The following DLC1 variants were observed in gnomAD, a reference collection of about 807,000 sequenced individuals.
DLC1 encodes rho GTPase-activating protein 7.
A neutral mutation model predicts 140.3 loss-of-function variants in DLC1; 54 were observed. The ratio of observed to expected loss-of-function variants is 0.38; its 90% CI spans 0.31 to 0.48. The LOEUF is 0.48. Among genes scored for constraint, DLC1 ranks in the 20% least tolerant of loss-of-function variants. DLC1 has a pLI of 0.96. For synonymous variants in DLC1, 986 were observed against 728.1 expected (o/e 1.35, Z -5.70); for missense variants, 2,536 against 1,907.0 (o/e 1.33, Z -6.14).
chr8:13,394,934 T>G (rs1026708739), intron 3 of DLC1, among the ~76,000 whole-genome samples: 3 of 152,010 alleles, frequency 2.0e-5, no homozygotes, highest in African/African-American at 7.2e-5. Context: ...ACCAAAGAAC[T>G]TCACTCCCTT....
At chr8:13,173,370 T>C (rs1825589747) in intron 5 of DLC1, among the ~76,000 whole-genome samples, 1 of 86,178 alleles carries the variant, frequency 1.2e-5, no homozygotes, top group South Asian at 3.7e-4. Flanking sequence ...TCTGCCCTCT[T>C]TTTTTTTTTT....
chr8:13,114,900 C>A (rs369239593), intron 6 of DLC1, among the ~76,000 whole-genome samples: 5 of 152,126 alleles, frequency 3.3e-5, no homozygotes, highest in African/African-American at 1.2e-4. Context: ...AAAATTGGTA[C>A]GGGCACTTTC....
chr8:13,193,267 T>A (rs76055776), intron 5 of DLC1, among the ~76,000 whole-genome samples: 11,492 of 152,232 alleles, frequency 0.075, 470 homozygotes, highest in African/African-American at 0.09. Flanking sequence ...TTCTTCCTTA[T>A]CAGGTCAGTG....
intron 4 of DLC1, among the ~76,000 whole-genome samples, chr8:13,347,693 G>A (rs1834416879): frequency 6.6e-6 from 1 of 152,134 alleles, no homozygotes; most frequent in African/African-American, 2.4e-5. Flanking sequence ...GGGAAAGATG[G>A]ACAGGTCACA....
intron 5 of DLC1, among the ~76,000 whole-genome samples, chr8:13,254,981 T>C (rs1830159180): frequency 6.7e-6 from 1 of 148,996 alleles, no homozygotes; most frequent in African/African-American, 2.5e-5. Context: ...TTTTTCTTTT[T>C]TCTTATTTTT....
At chr8:13,258,303 T>C (rs1830335978) in intron 5 of DLC1, among the ~76,000 whole-genome samples, 1 of 152,212 alleles carries the variant, frequency 6.6e-6, no homozygotes, top group Admixed American at 6.5e-5. Context: ...TCTGAATCTC[T>C]TGAAGTAATA....
intron 5 of DLC1, among the ~76,000 whole-genome samples, chr8:13,174,517 G>A (rs974195701): frequency 2.6e-5 from 4 of 152,078 alleles, no homozygotes; most frequent in Admixed American, 6.6e-5. Flanking sequence ...CTGCAGCCTC[G>A]CCAGCATCTG....
chr8:13,239,297 A>C (rs532874485), intron 5 of DLC1, among the ~76,000 whole-genome samples: 2 of 151,974 alleles, frequency 1.3e-5, no homozygotes, highest in African/African-American at 4.8e-5. Flanking sequence ...GAGCGGGGCA[A>C]ATAATCCAGT....
chr8:13,409,081 T>G (rs1837681985), intron 2 of DLC1, among the ~76,000 whole-genome samples: 1 of 152,120 alleles, frequency 6.6e-6, no homozygotes, highest in African/African-American at 2.4e-5. Flanking sequence ...GTTGTAACTC[T>G]CTGATTCAGC....
chr8:13,347,295 C>G (rs1834388111), intron 4 of DLC1, among the ~76,000 whole-genome samples: 1 of 152,106 alleles, frequency 6.6e-6, no homozygotes, highest in African/African-American at 2.4e-5. Flanking sequence ...TTTTGAAAAA[C>G]AAAACCACAT....
At chr8:13,228,118 T>C (rs922882680) in intron 5 of DLC1, among the ~76,000 whole-genome samples, 2 of 152,182 alleles carry the variant, frequency 1.3e-5, no homozygotes, top group African/African-American at 4.8e-5. Context: ...GGAATAATTA[T>C]TGTTGGAACA....
chr8:13,332,986 G>C (rs1833664581), intron 4 of DLC1, among the ~76,000 whole-genome samples: 1 of 152,100 alleles, frequency 6.6e-6, no homozygotes. Flanking sequence ...TAAAGGCAGA[G>C]AAATGGACTA....
intron 5 of DLC1, among the ~76,000 whole-genome samples, chr8:13,274,339 C>T (rs1831074691): frequency 6.6e-6 from 1 of 152,136 alleles, no homozygotes; most frequent in Non-Finnish European, 1.5e-5. Flanking sequence ...GTTGTCATAG[C>T]CAAAGTCTTT....
intron 1 of DLC1, among the ~76,000 whole-genome samples, chr8:13,578,867 C>T (rs908713350): frequency 1.3e-5 from 2 of 151,996 alleles, no homozygotes; most frequent in African/African-American, 4.8e-5. Context: ...ATCACGTAGG[C>T]ATGATTAAGT....
chr8:13,484,455 A>G (rs1800875192), intron 2 of DLC1, among the ~76,000 whole-genome samples: 1 of 152,170 alleles, frequency 6.6e-6, no homozygotes, highest in Non-Finnish European at 1.5e-5. Context: ...AATTTCTGAA[A>G]TAAGTCTTGT....
intron 4 of DLC1, among the ~76,000 whole-genome samples, chr8:13,364,549 G>A (rs1402945473): frequency 6.6e-6 from 1 of 152,080 alleles, no homozygotes; most frequent in Non-Finnish European, 1.5e-5. Context: ...CTCCCGCCTT[G>A]GCCTTCCAAA....
chr8:13,424,773 C>T (rs956989653), intron 2 of DLC1, among the ~76,000 whole-genome samples: 3 of 151,998 alleles, frequency 2.0e-5, no homozygotes, highest in African/African-American at 7.2e-5. Context: ...CGGGGTTTCA[C>T]CATGTTAGCC....
chr8:13,529,446 C>T (rs1249075001), intron 1 of DLC1, among the ~76,000 whole-genome samples: 1 of 152,148 alleles, frequency 6.6e-6, no homozygotes, highest in Non-Finnish European at 1.5e-5. Context: ...CTAATGTCTG[C>T]TTTTCTGTAA....
At chr8:13,195,496 G>C (rs1350353028) in intron 5 of DLC1, among the ~76,000 whole-genome samples, 1 of 152,112 alleles carries the variant, frequency 6.6e-6, no homozygotes, top group Non-Finnish European at 1.5e-5. Flanking sequence ...TATGATATGA[G>C]GTATAGTTGA....
Sources: allele counts gnomAD v4.1 joint callset (sites outside exome capture counted in the v4.1 genomes callset), GRCh38; gene constraint gnomAD v4.1.1; transcripts MANE v1.5; gene names NCBI Gene and HGNC (gene_info 2026-07-23, HGNC 2026-07-21).